Variants in ESR2 observed in about 807,000 individuals in gnomAD.
The protein encoded by ESR2 is estrogen receptor beta.
A neutral mutation model predicts 49.6 loss-of-function variants in ESR2; 36 were observed. That is an observed-to-expected ratio of 0.73 (90% CI 0.56 to 0.96). The LOEUF (loss-of-function observed/expected upper bound fraction) is 0.96, where lower values mean the gene tolerates loss of function less well. ESR2 is among the 40% of genes least tolerant of loss of function. The pLI is 0.00. For missense variants in ESR2, 714 were observed against 693.0 expected, an observed-to-expected ratio of 1.03 and a Z score of -0.34; for synonymous variants, 320 against 266.1, an observed-to-expected ratio of 1.20 and a Z score of -1.97.
intron 1 of ESR2, among the ~76,000 whole-genome samples, chr14:64,321,639 C>G (rs1322511686): frequency 6.6e-6 from 1 of 152,118 alleles, no homozygotes; most frequent in Non-Finnish European, 1.5e-5. Flanking sequence ...ATCTTCTGCA[C>G]CTAAGATCCA....
At chr14:64,310,286 A>AAAAAAAAAATAAAAAAAATAAT (rs1555595498) in intron 1 of ESR2, among the ~76,000 whole-genome samples, 1 of 142,468 alleles carries the variant, frequency 7.0e-6, no homozygotes, top group African/African-American at 2.6e-5. Flanking sequence ...TCGTCTCAAA[A>AAAAAAAAAATAAAAAAAATAAT]AATAATAATA....
chr14:64,327,358 C>T (rs1248554548), intron 1 of ESR2, among the ~76,000 whole-genome samples: 4 of 151,446 alleles, frequency 2.6e-5, no homozygotes, highest in Admixed American at 2.0e-4. Context: ...CTCAGGAATT[C>T]GAGACCAGCC....
At chr14:64,321,124 G>A (rs925716786) in intron 1 of ESR2, among the ~76,000 whole-genome samples, 4 of 151,996 alleles carry the variant, frequency 2.6e-5, no homozygotes, top group African/African-American at 9.7e-5. Flanking sequence ...ACACAATACT[G>A]ATGAATGCTA....
intron 1 of ESR2, among the ~76,000 whole-genome samples, chr14:64,287,363 T>G (rs1360118661): frequency 6.6e-6 from 1 of 152,202 alleles, no homozygotes; most frequent in East Asian, 1.9e-4. Context: ...GCATGGCAAC[T>G]TTGCTTAGAA....
At chr14:64,307,360 TGC>T (rs1272345384) in intron 1 of ESR2, among the ~76,000 whole-genome samples, 2 of 149,262 alleles carry the variant, frequency 1.3e-5, no homozygotes, top group African/African-American at 4.9e-5. Flanking sequence ...TACAGGCATG[TGC>T]CACCATGCCC....
chr14:64,320,279 G>C (rs935522435), intron 1 of ESR2, among the ~76,000 whole-genome samples: 1 of 152,050 alleles, frequency 6.6e-6, no homozygotes, highest in African/African-American at 2.4e-5. Flanking sequence ...GTAGTAAAAA[G>C]ATCAAGCCGG....
chr14:64,249,750 T>TCC, intron 6 of ESR2, 71 bp from the exon 7 acceptor site: 1 of 1,480,062 alleles, frequency 6.8e-7, no homozygotes, highest in Non-Finnish European at 9.2e-7. Flanking sequence ...TAAGGAATGT[T>TCC]TTATTTTTAA....
chr14:64,251,597 G>T (rs1596390804), intron 6 of ESR2, among the ~76,000 whole-genome samples: 1 of 152,168 alleles, frequency 6.6e-6, no homozygotes, highest in South Asian at 2.1e-4. Flanking sequence ...AATGGGAGGA[G>T]GGTTGGCATA....
chr14:64,266,822 C>G (rs2076339191), intron 4 of ESR2, among the ~76,000 whole-genome samples: 1 of 152,168 alleles, frequency 6.6e-6, no homozygotes. Flanking sequence ...CAGTCTCACC[C>G]ATACCTATCT....
At chr14:64,306,981 C>A (rs993932227) in intron 1 of ESR2, among the ~76,000 whole-genome samples, 5 of 151,978 alleles carry the variant, frequency 3.3e-5, no homozygotes, top group Admixed American at 6.6e-5. Context: ...CAGGTCAGCT[C>A]TTCTTGTACA....
chr14:64,298,667 C>G (rs2076987310), upstream of ESR2, among the ~76,000 whole-genome samples: 1 of 152,250 alleles, frequency 6.6e-6, no homozygotes, highest in Admixed American at 6.5e-5. Context: ...GTTGCTCTGA[C>G]CTGCAGTTTA....
intron 7 of ESR2, among the ~76,000 whole-genome samples, chr14:64,248,994 T>C (rs142427180): frequency 4.6e-5 from 7 of 152,354 alleles, no homozygotes; most frequent in African/African-American, 1.7e-4. Context: ...TGCTCTTTCC[T>C]GAAGATTTGT....
chr14:64,322,658 C>T (rs2077339051), intron 1 of ESR2, among the ~76,000 whole-genome samples: 1 of 151,952 alleles, frequency 6.6e-6, no homozygotes, highest in African/African-American at 2.4e-5. Context: ...TCAATGCTAG[C>T]TGGATGTAAA....
intron 1 of ESR2, among the ~76,000 whole-genome samples, chr14:64,325,578 G>T (rs1478958864): frequency 6.6e-6 from 1 of 152,006 alleles, no homozygotes; most frequent in African/African-American, 2.4e-5. Flanking sequence ...ATTAGTTAAG[G>T]CAAATAATTA....
intron 1 of ESR2, among the ~76,000 whole-genome samples, chr14:64,333,630 G>A: frequency 6.6e-6 from 1 of 152,180 alleles, no homozygotes; most frequent in Non-Finnish European, 1.5e-5. Flanking sequence ...ATCTTACATG[G>A]CAACAGGCAA....
intron 5 of ESR2, chr14:64,260,194 C>T (rs1269381122): frequency 1.4e-6 from 1 of 726,118 alleles, no homozygotes; most frequent in East Asian, 2.6e-5. Context: ...ACGCACAACT[C>T]TTTCTGCACT....
chr14:64,292,611 T>A (rs1424541478), intron 1 of ESR2, among the ~76,000 whole-genome samples: 2 of 152,304 alleles, frequency 1.3e-5, no homozygotes, highest in South Asian at 2.1e-4. Flanking sequence ...ACACTTTGAG[T>A]TCAGCCTTCA....
intron 1 of ESR2, 150 bp from the exon 2 acceptor site, chr14:64,283,225 G>T (rs965545654): frequency 2.6e-5 from 9 of 347,584 alleles, no homozygotes; most frequent in African/African-American, 1.7e-4. Flanking sequence ...CCTCAGAGGA[G>T]TGGGAATGTG....
chr14:64,310,286 A>AAATAATAATAATAATAATAATAAT lies in ESR2; in HGVS notation c.-90-27235_-90-27212dup, dbSNP rs140862502. 1.4e-3 allele frequency among the ~76,000 whole-genome samples: 197 copies of AAATAATAATAATAATAATAATAAT among 142,456 alleles called. 1 individual carries two copies. Among genetic ancestry groups the AAATAATAATAATAATAATAATAAT allele is most frequent in the African/African-American group, 4.2e-3 (158 of 37,794 alleles). The allele number at this position is 142,456 out of a possible 152,430, so 93.5% of individuals were successfully genotyped here. On this transcript the variant is annotated intron_variant, in intron 1 of 8. Transcript: ENST00000358599. The stretch of plus-strand genomic sequence containing the variant: ...AGACAAAGTAAGACGTCGTCTCAAA[A>AAATAATAATAATAATAATAATAAT]AATAATAATAATAATAATAATAATA...
Sources: allele counts gnomAD v4.1 joint callset (sites outside exome capture counted in the v4.1 genomes callset), GRCh38; gene constraint gnomAD v4.1.1; transcripts MANE v1.5; gene names NCBI Gene and HGNC (gene_info 2026-07-23, HGNC 2026-07-21).